Variants in SHANK2 observed in about 807,000 individuals in gnomAD.
SHANK2 encodes the protein SH3 and multiple ankyrin repeat domains 2, also known as SH3 and multiple ankyrin repeat domains protein 2.
In SHANK2, 43 loss-of-function variants were observed where a neutral mutation model predicts 133.7. The ratio of observed to expected loss-of-function variants is 0.32; its 90% confidence interval spans 0.25 to 0.41. SHANK2 has a LOEUF of 0.41. Ranked by LOEUF, SHANK2 falls within the 10% of genes least tolerant of loss-of-function variation. SHANK2 has a pLI of 1.00. For missense variants in SHANK2, 1,994 were observed against 2,235.8 expected (o/e 0.89, Z 2.18); for synonymous variants, 1,017 against 952.8 (o/e 1.07, Z -1.24).
At chr11:70,721,227 G>A (rs1218443078) in intron 14 of SHANK2, among the ~76,000 whole-genome samples, 1 of 152,320 alleles carries the variant, frequency 6.6e-6, no homozygotes, top group East Asian at 1.9e-4. Context: ...TTTCATTTCA[G>A]GCGCATCACA....
At chr11:70,532,487 CTG>C (rs1480455718) in intron 17 of SHANK2, among the ~76,000 whole-genome samples, 1 of 152,150 alleles carries the variant, frequency 6.6e-6, no homozygotes, top group East Asian at 1.9e-4. Context: ...AATTGTGGGT[CTG>C]TGTGCGTGCA....
At position 71,059,587 on chromosome 11, in the gene SHANK2, C is replaced by T. The variant is rs923173916; in HGVS notation, c.1030-3029G>A. Among the ~76,000 whole-genome samples, 190 of 152,252 alleles carry T rather than the reference C, an allele frequency of 1.2e-3. 3 individuals are homozygous for T. The East Asian group carries it at 0.034, about 27-fold the overall frequency. On this transcript the variant is annotated intron_variant, in intron 9 of 25. Transcript: ENST00000601538. The stretch of plus-strand genomic sequence containing the variant: ...AGTCTTCATCCCTGGCTGGGTGGGT[C>T]GGGCAGGCCAGGAGCACACTGAGCT...
At chr11:70,890,655 C>T (rs539153620) in intron 11 of SHANK2, among the ~76,000 whole-genome samples, 8 of 151,910 alleles carry the variant, frequency 5.3e-5, no homozygotes, top group East Asian at 1.9e-4. Context: ...CAAAACTAGC[C>T]GGGTATGGTA....
intron 14 of SHANK2, among the ~76,000 whole-genome samples, chr11:70,788,894 T>A (rs535911834): frequency 4.9e-4 from 74 of 152,240 alleles, no homozygotes; most frequent in African/African-American, 1.8e-3. Flanking sequence ...AGGAAACACA[T>A]GCCAGCCTCA....
At chr11:70,912,202 A>C (rs1259107055) in intron 10 of SHANK2, among the ~76,000 whole-genome samples, 1 of 151,964 alleles carries the variant, frequency 6.6e-6, no homozygotes, top group African/African-American at 2.4e-5. Context: ...ACCTTATGCA[A>C]GCAGAAAATA....
In SHANK2 at chr11:71,160,240, G is replaced by T. The variant is rs782469698; in HGVS notation, c.-12-12902C>A. Among the ~76,000 whole-genome samples the T allele has an allele frequency of 9.9e-5, 15 of 152,144 alleles. 1 individual carries two copies. The highest frequency in any genetic ancestry group is 1.3e-4 in the Non-Finnish European group (9 of 68,028). On this transcript the variant is annotated intron_variant, in intron 2 of 25. Coordinates refer to ENST00000601538, the MANE Select transcript of SHANK2 (RefSeq NM_012309.5). ...AATGCAAAGTGGGACTGCTCCGGAG[G>T]CTCCTGGGGACTCTGTCATCCCCCC...
chr11:70,588,753 A>G (rs1354066250), intron 17 of SHANK2, among the ~76,000 whole-genome samples: 1 of 152,256 alleles, frequency 6.6e-6, no homozygotes, highest in Non-Finnish European at 1.5e-5. Context: ...CAAGTTCTCC[A>G]GAGGATCTAG....
intron 14 of SHANK2, among the ~76,000 whole-genome samples, chr11:70,756,891 G>A (rs1946887554): frequency 6.7e-6 from 1 of 149,762 alleles, no homozygotes; most frequent in African/African-American, 2.4e-5. Context: ...AAAAGAGAAC[G>A]GATACATAGA....
chr11:70,498,778 G>A (rs922829858), intron 21 of SHANK2, among the ~76,000 whole-genome samples: 7 of 152,162 alleles, frequency 4.6e-5, no homozygotes, highest in Admixed American at 2.0e-4. Flanking sequence ...CACAGTTCTG[G>A]AGGCTGGAAG....
chr11:70,696,671 G>A (rs1945398498), intron 15 of SHANK2, among the ~76,000 whole-genome samples: 1 of 152,182 alleles, frequency 6.6e-6, no homozygotes, highest in South Asian at 2.1e-4. Flanking sequence ...TCCCTGGAGG[G>A]GTCTTGGCTC....
chr11:71,131,676 C>T (rs1952310171), intron 3 of SHANK2, among the ~76,000 whole-genome samples: 1 of 152,280 alleles, frequency 6.6e-6, no homozygotes. Context: ...CAGGCAGAGC[C>T]ATTGTAAAGC....
intron 9 of SHANK2, among the ~76,000 whole-genome samples, chr11:71,059,317 G>GA (rs1217649247): frequency 4.6e-5 from 7 of 152,146 alleles, no homozygotes; most frequent in East Asian, 3.9e-4. Context: ...CAGTCTGGGT[G>GA]AAAAAAAATG....
intron 17 of SHANK2, among the ~76,000 whole-genome samples, chr11:70,596,112 T>C (rs961925142): frequency 7.9e-5 from 12 of 152,230 alleles, no homozygotes; most frequent in African/African-American, 2.4e-4. Context: ...GGTTTCAGAA[T>C]TCTGGCCTCT....
chr11:70,775,724 G>A (rs1482141229), intron 14 of SHANK2, among the ~76,000 whole-genome samples: 1 of 152,160 alleles, frequency 6.6e-6, no homozygotes, highest in Non-Finnish European at 1.5e-5. Context: ...TGCTCTCCTT[G>A]GTTACATGAT....
chr11:71,154,579 G>A (rs1952862281), intron 2 of SHANK2, among the ~76,000 whole-genome samples: 1 of 152,238 alleles, frequency 6.6e-6, no homozygotes, highest in Non-Finnish European at 1.5e-5. Flanking sequence ...GGCCAAGGGG[G>A]TGGACTGCTC....
chr11:71,166,852 G>C (rs1953162724), intron 2 of SHANK2, among the ~76,000 whole-genome samples: 1 of 146,696 alleles, frequency 6.8e-6, no homozygotes, highest in African/African-American at 2.5e-5. Flanking sequence ...ATTTGGCAGG[G>C]TCACAGGACA....
intron 10 of SHANK2, among the ~76,000 whole-genome samples, chr11:70,935,188 G>A (rs1030477237): frequency 1.3e-5 from 2 of 152,180 alleles, no homozygotes; most frequent in African/African-American, 4.8e-5. Context: ...TCCTGCCCAG[G>A]ATGTGAATCA....
chr11:70,715,249 G>A (rs1313398733), intron 14 of SHANK2, among the ~76,000 whole-genome samples: 1 of 152,238 alleles, frequency 6.6e-6, no homozygotes, highest in Admixed American at 6.5e-5. Flanking sequence ...GACCCTCATT[G>A]GAGAATGGGA....
At chr11:71,066,881 C>A (rs1480148423) in intron 9 of SHANK2, among the ~76,000 whole-genome samples, 1 of 152,126 alleles carries the variant, frequency 6.6e-6, no homozygotes, top group Non-Finnish European at 1.5e-5. Flanking sequence ...TACGAACACA[C>A]CCCTCACTGC....
Sources: gnomAD v4.1 joint callset for allele counts (sites outside exome capture counted in the v4.1 genomes callset) on GRCh38, gnomAD v4.1.1 for gene constraint, MANE v1.5 for transcripts, NCBI Gene and HGNC (gene_info 2026-07-23, HGNC 2026-07-21) for gene names.